Variants in NBAS observed in about 807,000 individuals in gnomAD.
NBAS encodes the protein NBAS subunit of NRZ tethering complex, also known as NAG/BC035112 fusion.
A neutral mutation model predicts 302.5 loss-of-function variants in NBAS; 219 were observed. The observed-to-expected ratio is 0.72, with a 90% CI of 0.65 to 0.81. The LOEUF (loss-of-function observed/expected upper bound fraction) is 0.81, where lower values mean the gene tolerates loss of function less well. Among genes scored for constraint, NBAS ranks in the 30% least tolerant of loss-of-function variants. The probability of loss-of-function intolerance (pLI) is 0.00; values close to 1 mark genes in which losing one functional copy is unlikely to be tolerated. For synonymous variants in NBAS, 1,118 were observed against 1,021.6 expected, an observed-to-expected ratio of 1.09 and a Z score of -1.80; for missense variants, 2,932 against 2,841.6, an observed-to-expected ratio of 1.03 and a Z score of -0.72.
chr2:15,207,739 A>G (rs973487694), intron 48 of NBAS, among the ~76,000 whole-genome samples: 1 of 152,120 alleles, frequency 6.6e-6, no homozygotes, highest in Non-Finnish European at 1.5e-5. Context: ...CCTTTTGAAG[A>G]AGGTGCTTGC....
chr2:14,921,124 G>A, the NBAS span, among the ~76,000 whole-genome samples: 1 of 152,002 alleles, frequency 6.6e-6, no homozygotes, highest in African/African-American at 2.4e-5. Flanking sequence ...GACCATTGTA[G>A]GGTTATTAAC....
chr2:15,561,105 C>A, intron 1 of NBAS, 83 bp downstream of exon 1: 6 of 1,041,260 alleles, frequency 5.8e-6, no homozygotes, highest in South Asian at 1.2e-5. Flanking sequence ...CGTCTCCACT[C>A]CCCTACGTGG....
chr2:15,292,401 T>G, intron 41 of NBAS, 136 bp downstream of exon 41: 1 of 870,172 alleles, frequency 1.1e-6, no homozygotes, highest in South Asian at 1.5e-5. Context: ...TAAGACTAGA[T>G]GAAGTTGGGG....
the NBAS span, among the ~76,000 whole-genome samples, chr2:15,122,703 C>T: frequency 5.9e-5 from 9 of 152,228 alleles, no homozygotes; most frequent in East Asian, 1.7e-3. Context: ...CAAGAACACA[C>T]CTAATAATAC....
chr2:15,467,770 T>C lies in NBAS; in HGVS notation c.1912A>G (p.Ile638Val), dbSNP rs147552737. 7.5e-6 allele frequency: 12 copies of C among 1,594,722 alleles called. No individual in the cohort carries two copies. Among genetic ancestry groups the C allele is most frequent in the South Asian group, 2.2e-5 (2 of 90,568 alleles). ...GGTGGTGAAAGCTCTTCATAGGAGA[T>C]ACTGTCAATGTCTATTTCACCAGGT... ...TLPGEIDIDS[I>V]SYEELSPPDE... Residue 638 changes from isoleucine (I) to valine (V), a missense_variant, in exon 18 of 52, where the codon ATC (isoleucine) becomes GTC (valine). Coordinates refer to ENST00000281513, the MANE Select transcript of NBAS (RefSeq NM_015909.4).
At chr2:15,554,032 G>A (rs1181301775) in intron 4 of NBAS, 29 bp downstream of exon 4, 2 of 1,524,016 alleles carry the variant, frequency 1.3e-6, no homozygotes, top group Non-Finnish European at 8.9e-7. Flanking sequence ...AATCCAGACA[G>A]AAAAACATTG....
intron 25 of NBAS, among the ~76,000 whole-genome samples, chr2:15,413,767 A>G (rs1676793565): frequency 6.6e-6 from 1 of 152,238 alleles, no homozygotes; most frequent in Non-Finnish European, 1.5e-5. Flanking sequence ...AGATCATGAC[A>G]TGATCACATA....
chr2:15,281,015 G>A (rs1360558598), intron 42 of NBAS, among the ~76,000 whole-genome samples: 1 of 152,172 alleles, frequency 6.6e-6, no homozygotes, highest in Non-Finnish European at 1.5e-5. Flanking sequence ...CTGGCCAAGT[G>A]TCTGCAAACT....
At chr2:15,315,123 T>C (rs1365913270) in intron 38 of NBAS, among the ~76,000 whole-genome samples, 1 of 152,182 alleles carries the variant, frequency 6.6e-6, no homozygotes, top group African/African-American at 2.4e-5. Flanking sequence ...TGTACAATCA[T>C]ACAACTAAGA....
chr2:15,145,694 A>T, the NBAS span, among the ~76,000 whole-genome samples: 1 of 152,016 alleles, frequency 6.6e-6, no homozygotes, highest in Admixed American at 6.5e-5. Context: ...CAAAAGTATG[A>T]TGGAATTTTA....
chr2:14,977,004 G>A, the NBAS span, among the ~76,000 whole-genome samples: 1 of 152,146 alleles, frequency 6.6e-6, no homozygotes, highest in Admixed American at 6.5e-5. Context: ...CCTAGGAAAT[G>A]AATACACCAC....
intron 31 of NBAS, among the ~76,000 whole-genome samples, chr2:15,374,037 A>AT (rs1231559184): frequency 6.6e-6 from 1 of 152,224 alleles, no homozygotes; most frequent in African/African-American, 2.4e-5. Flanking sequence ...GTGATTCTGT[A>AT]GCAGGATGCT....
chr2:15,418,497 C>T (rs1228224356), intron 23 of NBAS, among the ~76,000 whole-genome samples: 2 of 152,160 alleles, frequency 1.3e-5, no homozygotes, highest in Non-Finnish European at 2.9e-5. Flanking sequence ...AAATACAAAA[C>T]TGAGTAAGAT....
intron 31 of NBAS, among the ~76,000 whole-genome samples, chr2:15,372,114 C>G (rs779695940): frequency 2.5e-4 from 38 of 152,228 alleles, no homozygotes; most frequent in Admixed American, 4.6e-4. Flanking sequence ...TAGCTCCAGG[C>G]TGAGTGTAAC....
chr2:14,870,335 G>T, the NBAS span, among the ~76,000 whole-genome samples: 1 of 152,298 alleles, frequency 6.6e-6, no homozygotes, highest in Admixed American at 6.5e-5. Context: ...CAAGTCTTTG[G>T]CTGAGTGTTG....
At chr2:15,513,480 TC>T (rs1381021860) in intron 9 of NBAS, among the ~76,000 whole-genome samples, 1 of 152,008 alleles carries the variant, frequency 6.6e-6, no homozygotes, top group Non-Finnish European at 1.5e-5. Context: ...AATCATATTA[TC>T]CCTCAGAATC....
intron 48 of NBAS, among the ~76,000 whole-genome samples, chr2:15,193,924 G>A (rs1665486749): frequency 6.6e-6 from 1 of 151,854 alleles, no homozygotes; most frequent in African/African-American, 2.4e-5. Context: ...TCTGAAGAGT[G>A]GTAAAAAGAA....
intron 13 of NBAS, 132 bp downstream of exon 13, chr2:15,478,094 C>T (rs1680267068): frequency 4.2e-6 from 3 of 717,170 alleles, no homozygotes; most frequent in Non-Finnish European, 7.0e-6. Flanking sequence ...CTTGACCCAA[C>T]TCTATGAAAT....
At chr2:15,265,784 T>G (rs1409234795) in intron 44 of NBAS, among the ~76,000 whole-genome samples, 1 of 152,150 alleles carries the variant, frequency 6.6e-6, no homozygotes, top group African/African-American at 2.4e-5. Flanking sequence ...TCTAAATGTT[T>G]TAATCAACAT....
Sources: gnomAD v4.1 joint callset for allele counts (sites outside exome capture counted in the v4.1 genomes callset) on GRCh38, gnomAD v4.1.1 for gene constraint, MANE v1.5 for transcripts, NCBI Gene and HGNC (gene_info 2026-07-23, HGNC 2026-07-21) for gene names.